RNF125: variants seen among roughly 807,000 people sequenced by gnomAD.
RNF125 encodes the protein ring finger protein 125.
A neutral mutation model predicts 26.0 loss-of-function variants in RNF125; 21 were observed. That is an observed-to-expected ratio of 0.81 (90% CI 0.57 to 1.16). The LOEUF (loss-of-function observed/expected upper bound fraction) is 1.16, where lower values mean the gene tolerates loss of function less well. Among genes scored for constraint, RNF125 ranks in the 50% most tolerant of loss-of-function variants. The probability of loss-of-function intolerance (pLI) is 0.00; values close to 1 mark genes in which losing one functional copy is unlikely to be tolerated. For missense variants in RNF125, 270 were observed against 299.4 expected, an observed-to-expected ratio of 0.90 and a Z score of 0.72; for synonymous variants, 95 against 109.2, an observed-to-expected ratio of 0.87 and a Z score of 0.81.
the RNF125 span, among the ~76,000 whole-genome samples, chr18:32,087,089 G>C: frequency 6.6e-6 from 1 of 152,056 alleles, no homozygotes; most frequent in African/African-American, 2.4e-5. Context: ...TCTAGGGAAG[G>C]CTTGGAAGCT....
At chr18:32,054,976 T>C (rs987519173) in intron 4 of RNF125, among the ~76,000 whole-genome samples, 3 of 152,232 alleles carry the variant, frequency 2.0e-5, no homozygotes, top group African/African-American at 7.2e-5. Context: ...GCTTCTATTA[T>C]GTGCCAAATC....
At chr18:32,062,619 G>T (rs1386992653) in intron 4 of RNF125, among the ~76,000 whole-genome samples, 2 of 151,968 alleles carry the variant, frequency 1.3e-5, no homozygotes, top group South Asian at 2.1e-4. Flanking sequence ...CAATAAGAAA[G>T]AAAAGAAATA....
chr18:32,069,520 CAA>C lies in RNF125; in HGVS notation c.*1139_*1140del, dbSNP rs1293518431. 1 of 152,024 alleles carries C rather than the reference CAA, an allele frequency of 6.6e-6. No individual in the cohort carries two copies. The highest frequency in any genetic ancestry group is 1.5e-5 in the Non-Finnish European group (1 of 67,996). 9.4% of individuals were successfully genotyped at this position (152,024 alleles called of 1,614,324 possible). On this transcript the variant is annotated 3_prime_UTR_variant, in exon 6 of 6. Coordinates refer to ENST00000217740, the MANE Select transcript of RNF125 (RefSeq NM_017831.4). Reference sequence around the variant, plus strand: ...AAATAAAAGTACTGAAAACCAGACACAAAATTTATAGCTGAATGCCTTATTAT... The same window carrying C: ...AAATAAAAGTACTGAAAACCAGACACAATTTATAGCTGAATGCCTTATTAT...
the RNF125 span, among the ~76,000 whole-genome samples, chr18:32,084,902 A>G: frequency 1.4e-4 from 21 of 152,370 alleles, no homozygotes; most frequent in African/African-American, 5.0e-4. Flanking sequence ...AGAAGTTGAA[A>G]TGTAACTGTC....
intron 5 of RNF125, among the ~76,000 whole-genome samples, chr18:32,067,945 T>C (rs1334209145): frequency 1.3e-5 from 2 of 152,192 alleles, no homozygotes; most frequent in Non-Finnish European, 2.9e-5. Context: ...GTGAAGCCTG[T>C]GGGGGAGCCT....
chr18:32,050,880 T>C (rs1005222988), intron 4 of RNF125, among the ~76,000 whole-genome samples: 22 of 121,392 alleles, frequency 1.8e-4, no homozygotes, highest in African/African-American at 4.2e-4. Flanking sequence ...TTTTTTTTTT[T>C]TTTTTTTTTT....
At chr18:32,050,852 TCG>T (rs1491541169) in intron 4 of RNF125, among the ~76,000 whole-genome samples, 3 of 134,632 alleles carry the variant, frequency 2.2e-5, no homozygotes, top group Non-Finnish European at 4.5e-5. Flanking sequence ...AGCTAGTCTC[TCG>T]GTCTAGAGTG....
At chr18:32,035,023 T>A (rs8093813) in intron 1 of RNF125, among the ~76,000 whole-genome samples, 35,023 of 151,980 alleles carry the variant, frequency 0.23, 4,560 homozygotes, top group African/African-American at 0.36. Flanking sequence ...CTACTGAATC[T>A]GTCATTATGT....
intron 5 of RNF125, among the ~76,000 whole-genome samples, chr18:32,066,440 C>T (rs1182400507): frequency 4.0e-5 from 6 of 149,240 alleles, no homozygotes; most frequent in South Asian, 2.1e-4. Context: ...GCCTGGGCAA[C>T]AGAGTGAGAC....
Position 32,051,979 on chromosome 18 carries a change from C to T in RNF125, c.504+6247C>T, listed in dbSNP as rs369417950. Reference sequence around the variant, plus strand: ...CTGGGATTACAGGCGTGAGCCACCACGTCCAGCCTGAGTTCTATATTTTCA... The same window carrying T: ...CTGGGATTACAGGCGTGAGCCACCATGTCCAGCCTGAGTTCTATATTTTCA... On this transcript the variant is annotated intron_variant, in intron 4 of 5. Coordinates refer to ENST00000217740, the MANE Select transcript of RNF125 (RefSeq NM_017831.4). Among the ~76,000 whole-genome samples, 54 of 151,974 alleles carry T rather than the reference C, an allele frequency of 3.6e-4. No homozygotes were observed. The South Asian group carries it at 6.0e-3, about 17-fold the overall frequency.
At chr18:32,020,893 A>C (rs1418732356) in intron 1 of RNF125, among the ~76,000 whole-genome samples, 6 of 151,832 alleles carry the variant, frequency 4.0e-5, no homozygotes, top group Non-Finnish European at 8.8e-5. Flanking sequence ...CGGGCAACAG[A>C]GCAAAACTCA....
Position 32,068,504 on chromosome 18 carries a change from T to C in RNF125, c.*120T>C. The C allele has an allele frequency of 1.6e-6, 1 of 641,836 alleles. No individual in the cohort carries two copies. The highest frequency in any genetic ancestry group is 1.8e-5 in the South Asian group (1 of 54,374). 39.8% of individuals were successfully genotyped at this position (641,836 alleles called of 1,614,324 possible). A position where few individuals can be genotyped will look rare whatever the true frequency, so the allele number is the denominator to read the frequency against. On this transcript the variant is annotated 3_prime_UTR_variant, in exon 6 of 6. Coordinates refer to ENST00000217740, the MANE Select transcript of RNF125 (RefSeq NM_017831.4). ...AAAAATGTACAACACAGTTATGTGT[T>C]TGTCCATGTTTATTGTTATAGTGCA...
Position 32,051,006 on chromosome 18 carries a change from A to G in RNF125, c.504+5274A>G, listed in dbSNP as rs940998013. Among the ~76,000 whole-genome samples the G allele has an allele frequency of 2.0e-5, 3 of 148,664 alleles. No individual in the cohort carries two copies. The Admixed American group carries it at 2.1e-4, about 10-fold the overall frequency. On this transcript the variant is annotated intron_variant, in intron 4 of 5. Transcript: ENST00000217740. ...GCAAAGTGCTGGGATTACAGGCATG[A>G]GCCACCGCGCCTGGCCTCAAAGTTC...
At chr18:32,032,946 A>T (rs1191329030) in intron 1 of RNF125, among the ~76,000 whole-genome samples, 1 of 152,210 alleles carries the variant, frequency 6.6e-6, no homozygotes, top group Non-Finnish European at 1.5e-5. Context: ...GAGGGTTGAC[A>T]TTTCACATTT....
At chr18:32,030,200 C>T (rs1447062676) in intron 1 of RNF125, among the ~76,000 whole-genome samples, 6 of 152,094 alleles carry the variant, frequency 3.9e-5, no homozygotes, top group East Asian at 1.9e-4. Flanking sequence ...CATGCTGCCA[C>T]GCCCAACTAA....
At chr18:32,022,148 T>C (rs1258593067) in intron 1 of RNF125, among the ~76,000 whole-genome samples, 1 of 152,262 alleles carries the variant, frequency 6.6e-6, no homozygotes, top group Non-Finnish European at 1.5e-5. Context: ...TTCTGTATTT[T>C]ATTATCCCAT....
At chr18:32,055,252 T>C (rs896514999) in intron 4 of RNF125, among the ~76,000 whole-genome samples, 5 of 148,816 alleles carry the variant, frequency 3.4e-5, no homozygotes, top group African/African-American at 1.2e-4. Context: ...TGAGCTATGA[T>C]GGCACCGCTG....
intron 4 of RNF125, among the ~76,000 whole-genome samples, chr18:32,057,582 A>G (rs1416140941): frequency 6.6e-6 from 1 of 151,914 alleles, no homozygotes; most frequent in Non-Finnish European, 1.5e-5. Context: ...TGATCTGCCC[A>G]CCTCAGCCTC....
chr18:32,087,223 C>T, the RNF125 span, among the ~76,000 whole-genome samples: 1 of 151,580 alleles, frequency 6.6e-6, no homozygotes, highest in Non-Finnish European at 1.5e-5. Context: ...CTTCAAGTTG[C>T]GGTTCCCAGA....
Sources: gnomAD v4.1 joint callset for allele counts (sites outside exome capture counted in the v4.1 genomes callset) on GRCh38, gnomAD v4.1.1 for gene constraint, MANE v1.5 for transcripts, NCBI Gene and HGNC (gene_info 2026-07-23, HGNC 2026-07-21) for gene names.